EIF2B4: variants seen among roughly 807,000 people sequenced by gnomAD.
EIF2B4 encodes the protein eukaryotic translation initiation factor 2B subunit delta.
Under a neutral mutation model 66.7 loss-of-function variants are expected in EIF2B4, and 34 were observed. That is an observed-to-expected ratio of 0.51 (90% confidence interval 0.39 to 0.68). EIF2B4 has a LOEUF of 0.68. Ranked by LOEUF, EIF2B4 falls within the 30% of genes least tolerant of loss-of-function variation. The pLI is 0.00. For missense variants in EIF2B4, 618 were observed against 657.9 expected (o/e 0.94, Z 0.66); for synonymous variants, 278 against 253.6 (o/e 1.10, Z -0.92).
chr2:27,367,642 A>G, intron 8 of EIF2B4, 83 bp from the exon 9 acceptor site: 2 of 1,597,838 alleles, frequency 1.3e-6, no homozygotes, highest in Non-Finnish European at 1.7e-6. Flanking sequence ...AAGTCTTTAA[A>G]AAGAAAATAG....
At chr2:27,366,965 TATAA>T (rs1257142362) in intron 10 of EIF2B4, 29 bp from the exon 11 acceptor site, 6 of 1,614,022 alleles carry the variant, frequency 3.7e-6, no homozygotes, top group Non-Finnish European at 5.1e-6. Context: ...AGGATTCAGT[TATAA>T]ATGTCAGTAA....
intron 1 of EIF2B4, 25 bp downstream of exon 1, chr2:27,370,259 T>TAGGC (rs1682310687): frequency 1.3e-6 from 2 of 1,548,062 alleles, no homozygotes; most frequent in Non-Finnish European, 8.7e-7. Context: ...CGCGTACCAG[T>TAGGC]AGGCAGGCCC....
rs2148375351 is a variant in EIF2B4, at chr2:27,367,822, C to T, written c.706G>A (p.Val236Met). The T allele has an allele frequency of 6.2e-7, 1 of 1,613,818 alleles. No homozygotes were observed. Among genetic ancestry groups the T allele is most frequent in the Admixed American group, 1.7e-5 (1 of 59,998 alleles). Residue 236 changes from valine (V) to methionine (M), a missense_variant and splice_region_variant, in exon 8 of 13, where the codon GTG becomes ATG. Coordinates refer to ENST00000347454, the MANE Select transcript of EIF2B4 (RefSeq NM_001034116.2). The part of the protein sequence containing the change: ...CIALLRALQQ[V>M]IQDYTTPPNE... ...GGCGGTGTTGTGTAATCCTGAATCA[C>T]CTATAGGGTACACAAGGTGATCTGC...
chr2:27,369,721 A>G (rs1682213234), intron 2 of EIF2B4, 155 bp downstream of exon 2: 2 of 1,446,512 alleles, frequency 1.4e-6, no homozygotes, highest in Middle Eastern at 1.8e-4. Flanking sequence ...CTCCAGGGAC[A>G]GAATCATATA....
At chr2:27,365,055 C>A in intron 11 of EIF2B4, 157 bp from the exon 12 acceptor site, 2 of 606,462 alleles carry the variant, frequency 3.3e-6, no homozygotes, top group Non-Finnish European at 2.7e-6. Flanking sequence ...AGTAATAAAT[C>A]TTTTTTTTTT....
intron 8 of EIF2B4, 76 bp downstream of exon 8, chr2:27,367,670 G>A (rs1681961533): frequency 6.3e-7 from 1 of 1,587,318 alleles, no homozygotes; most frequent in African/African-American, 1.3e-5. Flanking sequence ...AATGAAAAGA[G>A]AGATAGAAAA....
intron 1 of EIF2B4, 103 bp downstream of exon 1, chr2:27,370,181 C>G (rs568745662): frequency 1.3e-6 from 2 of 1,544,278 alleles, no homozygotes; most frequent in Admixed American, 2.0e-5. Flanking sequence ...CAGCGTGGCG[C>G]TGGAACGGAG....
In EIF2B4 at chr2:27,365,053, AT is replaced by A. The variant is rs1193196245; in HGVS notation, c.1192-156del. 6.5e-6 allele frequency: 5 copies of A among 772,042 alleles called. No individual in the cohort carries two copies. The Admixed American group carries it at 8.4e-5, about 13-fold the overall frequency. 47.8% of individuals were successfully genotyped at this position (772,042 alleles called of 1,614,324 possible). A position where few individuals can be genotyped will look rare whatever the true frequency, so the allele number is the denominator to read the frequency against. On this transcript the variant is annotated intron_variant, in intron 11 of 12. Coordinates refer to ENST00000347454, the MANE Select transcript of EIF2B4 (RefSeq NM_001034116.2). ...AACAAAAACAGACAACAAGTAATAA[AT>A]CTTTTTTTTTTTTTTCTTTGAGATG...
intron 4 of EIF2B4, 134 bp downstream of exon 4, chr2:27,368,872 G>A: frequency 7.1e-7 from 1 of 1,417,924 alleles, no homozygotes; most frequent in Non-Finnish European, 9.9e-7. Context: ...AATAGGGATA[G>A]GATAATGGGG....
At chr2:27,367,249 C>T (rs1316710770) in intron 9 of EIF2B4, 48 bp from the exon 10 acceptor site, 2 of 1,613,380 alleles carry the variant, frequency 1.2e-6, no homozygotes, top group South Asian at 1.1e-5. Context: ...CACTTTTATC[C>T]CTCTGATGAT....
Position 27,369,450 on chromosome 2 carries a change from C to A in EIF2B4, c.175G>T (p.Glu59Ter). ...KRKEEKGAEP[E>*]TGSAVSAAQC... ...GCTGCAGATACAGCAGAGCCAGTCT[C>A]TGGTTCTGCCCCCTTTTCTTCCTTC... is the stretch of plus-strand genomic sequence containing the variant. Residue 59 changes from glutamate (E) to a stop codon, truncating the protein, a stop_gained, in exon 3 of 13, where the codon GAG becomes TAG. Coordinates refer to ENST00000347454, the MANE Select transcript of EIF2B4 (RefSeq NM_001034116.2). LOFTEE classifies it high-confidence loss of function. 1 of 1,614,186 alleles carries A rather than the reference C, an allele frequency of 6.2e-7. No individual in the cohort carries two copies. Among genetic ancestry groups the A allele is most frequent in the Non-Finnish European group, 8.5e-7 (1 of 1,180,046 alleles).
chr2:27,368,846 A>G (rs1251242910), intron 4 of EIF2B4, 113 bp from the exon 5 acceptor site: 1 of 1,431,292 alleles, frequency 7.0e-7, no homozygotes, highest in African/African-American at 1.4e-5. Flanking sequence ...AAACGGGAGA[A>G]TAGGGTAGAA....
intron 11 of EIF2B4, among the ~76,000 whole-genome samples, chr2:27,365,377 CTTT>C (rs372524722): frequency 7.5e-5 from 9 of 119,700 alleles, no homozygotes; most frequent in Admixed American, 1.8e-4. Context: ...TTAATAAATC[CTTT>C]TTTTTTTTTT....
At position 27,370,103 on chromosome 2, in the gene EIF2B4, G is replaced by A. The variant is rs546532403; in HGVS notation, c.31+181C>T. 297 of 1,512,882 alleles carry A rather than the reference G, an allele frequency of 2.0e-4. No individual in the cohort carries two copies. In the East Asian group the frequency reaches 6.5e-3, roughly 33 times the overall value. 93.7% of individuals were successfully genotyped at this position (1,512,882 alleles called of 1,614,324 possible). ...GGATCAAAGGAATGGAGGGGTCACC[G>A]ACCCTCCTCACAGCAACCAGCCGGT... On this transcript the variant is annotated intron_variant, in intron 1 of 12. Transcript: ENST00000347454.
Position 27,366,786 on chromosome 2 carries a change from A to C in EIF2B4, c.1164T>G (p.Ile388Met), listed in dbSNP as rs1681893413. Residue 388 changes from isoleucine to methionine, a missense_variant, in exon 11 of 13, where the codon ATT becomes ATG. This residue lies in a region of EIF2B4 where 506 missense variants were observed against 511.9 expected (regional missense o/e 0.99). Coordinates refer to ENST00000347454, the MANE Select transcript of EIF2B4 (RefSeq NM_001034116.2). ...HAGVPASYLL[I>M]PAASYVLPEV... The stretch of plus-strand genomic sequence containing the variant: ...CTGGGAGCACATAGGAGGCTGCAGG[A>C]ATCAGCAGGTAGGAGGCTGGGACAC... 1 of 1,614,126 alleles carries C rather than the reference A, an allele frequency of 6.2e-7. No individual in the cohort carries two copies. The highest frequency in any genetic ancestry group is 8.5e-7 in the Non-Finnish European group (1 of 1,180,054).
intron 1 of EIF2B4, 65 bp downstream of exon 1, chr2:27,370,219 C>T: frequency 6.5e-7 from 1 of 1,541,186 alleles, no homozygotes; most frequent in Admixed American, 2.0e-5. Flanking sequence ...GCTCAAGGCC[C>T]GGCACTAGCT....
Position 27,368,691 on chromosome 2 carries a change from A to G in EIF2B4, c.461T>C (p.Leu154Pro). The G allele has an allele frequency of 6.2e-7, 1 of 1,614,208 alleles. No homozygotes were observed. The highest frequency in any genetic ancestry group is 8.5e-7 in the Non-Finnish European group (1 of 1,180,032). Reference protein sequence around the residue: ...LPEYPQVDDLLLRRLVKKPER... With the variant: ...LPEYPQVDDLPLRRLVKKPER... ...TGGTTTTTTAACAAGCCTTCTCAGAAGTAGGTCATCAACCTGAGGGTACTC... is the reference window on the plus strand; with the variant it reads ...TGGTTTTTTAACAAGCCTTCTCAGAGGTAGGTCATCAACCTGAGGGTACTC... Residue 154 changes from leucine to proline, a missense_variant, in exon 5 of 13, where the codon CTT (leucine) becomes CCT (proline). By Grantham distance (98) the Leu-to-Pro change is moderately conservative. Around this residue, in one of 4 missense-constraint regions of EIF2B4, gnomAD observed 506 missense variants for 511.9 expected, o/e 0.99. Transcript: ENST00000347454.
In EIF2B4 at chr2:27,368,516, A is replaced by T. The variant is rs374326886; in HGVS notation, c.499-53T>A. 3.8e-5 allele frequency: 60 copies of T among 1,575,948 alleles called. No individual in the cohort carries two copies. In the African/African-American group the frequency reaches 6.6e-4, roughly 17 times the overall value. ...TGGCCCAGAGTTTAAAAAGGATGGG[A>T]TAAAGCTGGAAAGGAAGTGAACAGT... On this transcript the variant is annotated intron_variant, in intron 5 of 12. Coordinates refer to ENST00000347454, the MANE Select transcript of EIF2B4 (RefSeq NM_001034116.2).
rs1572613466 is a variant in EIF2B4 at position 27,369,683 on chromosome 2, C to T, written c.76-134G>A. 7 of 1,527,404 alleles carry T rather than the reference C, an allele frequency of 4.6e-6. No individual in the cohort carries two copies. The South Asian group carries it at 6.8e-5, about 15-fold the overall frequency. The allele number at this position is 1,527,404 out of a possible 1,614,324, so 94.6% of individuals were successfully genotyped here. A position where few individuals can be genotyped will look rare whatever the true frequency, so the allele number is the denominator to read the frequency against. ...ACTTCCACAAGCTACCTGTTGCAAG[C>T]TTACATCCACAGAGGCTGACGTTTC... On this transcript the variant is annotated intron_variant, in intron 2 of 12. Transcript: ENST00000347454.
Sources: allele counts gnomAD v4.1 joint callset (sites outside exome capture counted in the v4.1 genomes callset), GRCh38; gene constraint gnomAD v4.1.1; regional missense constraint gnomAD v4.1.1; transcripts MANE v1.5; gene names NCBI Gene and HGNC (gene_info 2026-07-23, HGNC 2026-07-21).